PDS5A: variants seen among roughly 807,000 people sequenced by gnomAD.
PDS5A encodes sister chromatid cohesion protein PDS5 homolog A.
In PDS5A, 42 loss-of-function variants were observed where a neutral mutation model predicts 167.1. The observed-to-expected ratio is 0.25, with a 90% CI of 0.20 to 0.33. PDS5A has a LOEUF of 0.33. Among genes scored for constraint, PDS5A ranks in the 10% least tolerant of loss-of-function variants. The pLI, the probability that PDS5A is intolerant of heterozygous loss-of-function variation, is 1.00. For missense variants in PDS5A, 1,033 were observed against 1,605.9 expected (o/e 0.64, Z 6.10); for synonymous variants, 553 against 554.6 (o/e 1.00, Z 0.04).
chr4:39,825,503 T>C lies in PDS5A; in HGVS notation c.4011-15A>G, dbSNP rs1246902109. ...TGCATTTTTACCTTAGGGTTAAGAA[T>C]AGAACGCAAAGTTAGAAAAGATGTG... is the stretch of plus-strand genomic sequence containing the variant. On this transcript the variant is annotated splice_polypyrimidine_tract_variant and intron_variant, in intron 32 of 32. Transcript: ENST00000303538. 4.5e-6 allele frequency: 7 copies of C among 1,568,520 alleles called. No individual in the cohort carries two copies. The South Asian group carries it at 7.0e-5, about 16-fold the overall frequency.
Position 39,879,754 on chromosome 4 carries a change from T to C in PDS5A, c.1966A>G (p.Ile656Val). Reference protein sequence around the residue: ...EEEGVSPDTAIRSGLELLKVL... With the variant: ...EEEGVSPDTAVRSGLELLKVL... ...TTAAGAAGTTCAAGTCCTGAACGGA[T>C]AGCTGTATCTGGACTTACACCCTCC... is the stretch of plus-strand genomic sequence containing the variant. Residue 656 changes from isoleucine (I) to valine (V), a missense_variant, in exon 18 of 33, where the codon ATC (isoleucine) becomes GTC (valine). Physicochemically the swap from Ile to Val is conservative, Grantham distance 29 (BLOSUM62 3). Transcript: ENST00000303538. The C allele has an allele frequency of 6.2e-7, 1 of 1,609,164 alleles. No homozygotes were observed. Among genetic ancestry groups the C allele is most frequent in the Non-Finnish European group, 8.5e-7 (1 of 1,175,618 alleles).
chr4:39,973,593 A>G lies in PDS5A; in HGVS notation c.138+2847T>C, dbSNP rs557774776. 3.9e-6 allele frequency: 5 copies of G among 1,280,470 alleles called. No individual in the cohort carries two copies. The African/African-American group carries it at 7.3e-5, about 19-fold the overall frequency. 79.3% of individuals were successfully genotyped at this position (1,280,470 alleles called of 1,614,324 possible). ...GTCACAGCAAAGGGTTTGGTTTCGT[A>G]TGTTTCTCCTTCCCGGAAGAAGCCA... is the stretch of plus-strand genomic sequence containing the variant. On this transcript the variant is annotated intron_variant, in intron 2 of 32. Coordinates refer to ENST00000303538, the MANE Select transcript of PDS5A (RefSeq NM_001100399.2).
intron 16 of PDS5A, among the ~76,000 whole-genome samples, chr4:39,892,316 T>G (rs927101758): frequency 6.6e-6 from 1 of 152,156 alleles, no homozygotes; most frequent in Non-Finnish European, 1.5e-5. Flanking sequence ...CTCCAAGTGA[T>G]GTAATTGTGC....
chr4:39,869,525 T>C (rs184467963), intron 21 of PDS5A, 63 bp from the exon 22 acceptor site: 39 of 996,018 alleles, frequency 3.9e-5, no homozygotes, highest in Non-Finnish European at 5.6e-5. Flanking sequence ...TTTTGCTGAT[T>C]AAGTTTTTCA....
chr4:39,928,993 A>G (rs1286253971), intron 2 of PDS5A, among the ~76,000 whole-genome samples: 1 of 152,208 alleles, frequency 6.6e-6, no homozygotes, highest in Non-Finnish European at 1.5e-5. Context: ...TCCATAATTT[A>G]TCAACTCCAG....
rs183070788 is a variant in PDS5A at position 39,885,809 on chromosome 4, G to A, written c.1886+4440C>T. 5.7e-3 allele frequency among the ~76,000 whole-genome samples: 874 copies of A among 152,044 alleles called. 13 individuals are homozygous for A. Among genetic ancestry groups the A allele is most frequent in the Non-Finnish European group, 6.3e-3 (430 of 67,970 alleles). ...AAAAAAAAACACCCTCACAAAATTA[G>A]CCAGTTGTGGTGGCATGTGCCTATG... On this transcript the variant is annotated intron_variant, in intron 17 of 32. Coordinates refer to ENST00000303538, the MANE Select transcript of PDS5A (RefSeq NM_001100399.2).
intron 2 of PDS5A, among the ~76,000 whole-genome samples, chr4:39,946,036 G>A (rs1295190556): frequency 1.3e-5 from 2 of 151,606 alleles, no homozygotes; most frequent in Non-Finnish European, 2.9e-5. Flanking sequence ...GCGAAACCTC[G>A]TCTCTACTAA....
intron 8 of PDS5A, among the ~76,000 whole-genome samples, chr4:39,915,080 C>T (rs1560479520): frequency 6.6e-6 from 1 of 151,894 alleles, no homozygotes; most frequent in Non-Finnish European, 1.5e-5. Context: ...GCTCTGTTGC[C>T]CAGGCTGGAG....
At position 39,825,398 on chromosome 4, in the gene PDS5A, T is replaced by C; in HGVS notation, c.*87A>G. The C allele has an allele frequency of 9.1e-7, 1 of 1,094,694 alleles. No homozygotes were observed. The highest frequency in any genetic ancestry group is 1.4e-6 in the Non-Finnish European group (1 of 740,318). The allele number at this position is 1,094,694 out of a possible 1,614,324, so 67.8% of individuals were successfully genotyped here. A position where few individuals can be genotyped will look rare whatever the true frequency, so the allele number is the denominator to read the frequency against. On this transcript the variant is annotated 3_prime_UTR_variant, in exon 33 of 33. Coordinates refer to ENST00000303538, the MANE Select transcript of PDS5A (RefSeq NM_001100399.2). ...GTTCTGAAGTGAGCTTCATTTTCTGTTCAGGGACATTTGTGAATCCAAGTT... is the reference window on the plus strand; with the variant it reads ...GTTCTGAAGTGAGCTTCATTTTCTGCTCAGGGACATTTGTGAATCCAAGTT...
At position 39,856,920 on chromosome 4, in the gene PDS5A, C is replaced by T. The variant is rs571257919; in HGVS notation, c.3086+5299G>A. On this transcript the variant is annotated intron_variant, in intron 26 of 32. Coordinates refer to ENST00000303538, the MANE Select transcript of PDS5A (RefSeq NM_001100399.2). ...GAATACAGCCTATAAAGATGTGATTCGTGATAATAAAAAATAAAGGGAGGG... is the reference window on the plus strand; with the variant it reads ...GAATACAGCCTATAAAGATGTGATTTGTGATAATAAAAAATAAAGGGAGGG... Among the ~76,000 whole-genome samples, 16 of 152,030 alleles carry T rather than the reference C, an allele frequency of 1.1e-4. 1 individual carries two copies. The South Asian group carries it at 1.9e-3, about 18-fold the overall frequency.
intron 2 of PDS5A, among the ~76,000 whole-genome samples, chr4:39,952,346 C>A (rs1728488083): frequency 6.6e-6 from 1 of 152,014 alleles, no homozygotes; most frequent in Non-Finnish European, 1.5e-5. Flanking sequence ...AAAACAAAAA[C>A]CAATTATTTC....
chr4:39,974,263 A>AT (rs1730861943), intron 2 of PDS5A: 1 of 548,134 alleles, frequency 1.8e-6, no homozygotes, highest in Non-Finnish European at 3.7e-6. Flanking sequence ...CTCCTATACC[A>AT]CCACTTAATA....
intron 2 of PDS5A, among the ~76,000 whole-genome samples, chr4:39,940,734 C>T (rs1178540320): frequency 1.3e-5 from 2 of 152,248 alleles, no homozygotes; most frequent in Non-Finnish European, 2.9e-5. Context: ...CTCACTGCAG[C>T]CTCCACCTCC....
At chr4:39,921,254 G>C (rs1724935057) in intron 6 of PDS5A, among the ~76,000 whole-genome samples, 1 of 152,126 alleles carries the variant, frequency 6.6e-6, no homozygotes, top group Non-Finnish European at 1.5e-5. Flanking sequence ...AAACGAAAAC[G>C]AATGAACATG....
intron 2 of PDS5A, among the ~76,000 whole-genome samples, chr4:39,935,213 C>T (rs1260363376): frequency 6.6e-6 from 1 of 152,128 alleles, no homozygotes; most frequent in Non-Finnish European, 1.5e-5. Flanking sequence ...CTCAATGCAA[C>T]CTCCTGCCTC....
At position 39,823,407 on chromosome 4, in the gene PDS5A, A is replaced by G. The variant is rs917793856; in HGVS notation, c.*2078T>C. On this transcript the variant is annotated 3_prime_UTR_variant, in exon 33 of 33. Transcript: ENST00000303538. ...CAAAAATCTAAACAGGAATATATTG[A>G]TGCAGATGGTTCTGCTACATTTTAT... 2 of 152,384 alleles carry G rather than the reference A, an allele frequency of 1.3e-5. No homozygotes were observed. Among genetic ancestry groups the G allele is most frequent in the African/African-American group, 4.8e-5 (2 of 41,444 alleles). 9.4% of individuals were successfully genotyped at this position (152,384 alleles called of 1,614,324 possible).
intron 16 of PDS5A, among the ~76,000 whole-genome samples, chr4:39,895,418 TAAA>T (rs1722318488): frequency 6.6e-6 from 1 of 151,846 alleles, no homozygotes; most frequent in Non-Finnish European, 1.5e-5. Flanking sequence ...ATATAAAAGA[TAAA>T]AACACAATAT....
intron 16 of PDS5A, among the ~76,000 whole-genome samples, chr4:39,896,582 C>G (rs1427869850): frequency 6.6e-6 from 1 of 151,724 alleles, no homozygotes; most frequent in Non-Finnish European, 1.5e-5. Context: ...GCTTGGACAA[C>G]ATGGAGAAAC....
At chr4:39,927,259 A>G (rs1185440744) in intron 3 of PDS5A, among the ~76,000 whole-genome samples, 1 of 152,186 alleles carries the variant, frequency 6.6e-6, no homozygotes, top group African/African-American at 2.4e-5. Context: ...AGTAATTTTT[A>G]GCCAATGTTT....
Sources: gnomAD v4.1 joint callset for allele counts (sites outside exome capture counted in the v4.1 genomes callset) on GRCh38, gnomAD v4.1.1 for gene constraint, MANE v1.5 for transcripts, NCBI Gene and HGNC (gene_info 2026-07-23, HGNC 2026-07-21) for gene names.